The following P2RX4 variants were observed in gnomAD, a reference collection of about 807,000 sequenced individuals.
P2RX4 encodes P2X purinoceptor 4.
A neutral mutation model predicts 48.0 loss-of-function variants in P2RX4; 37 were observed. The ratio of observed to expected loss-of-function variants is 0.77; its 90% confidence interval spans 0.59 to 1.01. P2RX4 has a LOEUF of 1.01. Ranked by LOEUF, P2RX4 falls within the 50% of genes least tolerant of loss-of-function variation. P2RX4 has a pLI of 0.00. For synonymous variants in P2RX4, 200 were observed against 199.7 expected (o/e 1.00, Z -0.01); for missense variants, 501 against 521.4 (o/e 0.96, Z 0.38).
rs1886878273 is a variant in P2RX4, at chr12:121,224,832, T to A, written c.524+1789T>A. On this transcript the variant is annotated intron_variant, in intron 5 of 11. Transcript: ENST00000337233. ...GGGAGCAGGAAGCCACTGAACCTCA[T>A]CCTGGGTGTGTTGAGACAGAAGGAA... Among the ~76,000 whole-genome samples the A allele has an allele frequency of 2.0e-5, 3 of 150,912 alleles. No homozygotes were observed. The East Asian group carries it at 5.9e-4, about 30-fold the overall frequency.
chr12:121,217,080 A>G (rs1886274206), intron 1 of P2RX4, 54 bp from the exon 2 acceptor site: 6 of 1,578,482 alleles, frequency 3.8e-6, no homozygotes, highest in African/African-American at 1.3e-5. Context: ...TTCCCCATCA[A>G]TTCAAATCCA....
At chr12:121,223,286 C>CAGTGGGGGCGATCT in intron 5 of P2RX4, 3 of 430,620 alleles carry the variant, frequency 7.0e-6, no homozygotes, top group Middle Eastern at 6.7e-4. Flanking sequence ...ATGTTGGCCA[C>CAGTGGGGGCGATCT]GCTGGTCTCC....
intron 2 of P2RX4, among the ~76,000 whole-genome samples, chr12:121,217,520 G>A (rs942203268): frequency 6.6e-6 from 1 of 152,194 alleles, no homozygotes; most frequent in Non-Finnish European, 1.5e-5. Flanking sequence ...CCTGAAAGAT[G>A]AGAAAACAAA....
At chr12:121,216,177 G>A (rs1886215796) in intron 1 of P2RX4, 1 of 152,244 alleles carries the variant, frequency 6.6e-6, no homozygotes. Flanking sequence ...CTCATTCAAA[G>A]CCATCCTGGG....
chr12:121,225,375 G>A (rs990415068), intron 5 of P2RX4, among the ~76,000 whole-genome samples: 1 of 150,438 alleles, frequency 6.6e-6, no homozygotes, highest in Non-Finnish European at 1.5e-5. Flanking sequence ...CACCCAGCCC[G>A]ATTCTGTTTA....
chr12:121,213,032 G>A (rs1034643843), intron 1 of P2RX4: 1 of 151,358 alleles, frequency 6.6e-6, no homozygotes, highest in East Asian at 1.9e-4. Flanking sequence ...GCACTGTATG[G>A]TAGCCACTAG....
At chr12:121,230,388 G>C (rs1456656623) in intron 8 of P2RX4, among the ~76,000 whole-genome samples, 1 of 151,852 alleles carries the variant, frequency 6.6e-6, no homozygotes, top group South Asian at 2.1e-4. Context: ...GTCTCAGGGG[G>C]AAAAAAAAGA....
rs756891988 is a variant in P2RX4, at chr12:121,233,525, T to C, written c.1143T>C (p.Gly381=). The change falls in exon 12 of 12, where the codon GGT becomes GGC. Residue 381 remains glycine, a splice_region_variant and synonymous_variant. Coordinates refer to ENST00000337233, the MANE Select transcript of P2RX4 (RefSeq NM_002560.3). The stretch of plus-strand genomic sequence containing the variant: ...TCTGCTTGTGTCCTTCTTTGCAGGG[T>C]CTTGCTAGTGAGCTGGACCAGTGAG... ...KYKYVEDYEQ[G]LASELDQ is the part of the protein sequence containing the mutation. 47 of 1,608,146 alleles carry C rather than the reference T, an allele frequency of 2.9e-5. No individual in the cohort carries two copies. The highest frequency in any genetic ancestry group is 4.0e-5 in the Non-Finnish European group (47 of 1,177,162).
intron 1 of P2RX4, chr12:121,216,714 G>A (rs1886244862): frequency 2.2e-6 from 1 of 446,832 alleles, no homozygotes; most frequent in South Asian, 2.3e-5. Flanking sequence ...CAGCTACTTG[G>A]GAAGCTGAGG....
In P2RX4 at chr12:121,233,086, C is replaced by A; in HGVS notation, c.1134C>A (p.Tyr378Ter). The A allele has an allele frequency of 6.2e-7, 1 of 1,608,640 alleles. No individual in the cohort carries two copies. Among genetic ancestry groups the A allele is most frequent in the Non-Finnish European group, 8.5e-7 (1 of 1,175,288 alleles). ...AGAAATATAAATATGTGGAAGATTACGAGCAGGTAGGCCCCTCCTGGCCCC... is the reference window on the plus strand; with the variant it reads ...AGAAATATAAATATGTGGAAGATTAAGAGCAGGTAGGCCCCTCCTGGCCCC... ...REKKYKYVEDYEQGLASELDQ is the reference protein window; with the variant it reads ...REKKYKYVED The change falls in exon 11 of 12, where the codon TAC becomes TAA. Residue 378 changes from tyrosine to a stop codon, truncating the protein, a stop_gained. Coordinates refer to ENST00000337233, the MANE Select transcript of P2RX4 (RefSeq NM_002560.3). LOFTEE classifies it high-confidence loss of function.
rs957226894 is a variant in P2RX4 at position 121,222,766 on chromosome 12, A to G, written c.428-181A>G. 3.9e-6 allele frequency: 6 copies of G among 1,526,382 alleles called. No homozygotes were observed. In the African/African-American group the frequency reaches 8.3e-5, roughly 21 times the overall value. The allele number at this position is 1,526,382 out of a possible 1,614,324, so 94.6% of individuals were successfully genotyped here. On this transcript the variant is annotated intron_variant, in intron 4 of 11. Transcript: ENST00000337233. ...CCTGGCTGAGATGTGGCTGGCACACAGGTAACTGTCTTCCTCCGATTCTAA... is the reference window on the plus strand; with the variant it reads ...CCTGGCTGAGATGTGGCTGGCACACGGGTAACTGTCTTCCTCCGATTCTAA...
chr12:121,232,221 C>G lies in P2RX4; in HGVS notation c.885-193C>G, dbSNP rs904622406. 26 of 603,954 alleles carry G rather than the reference C, an allele frequency of 4.3e-5. No homozygotes were observed. Among genetic ancestry groups the G allele is most frequent in the African/African-American group, 3.7e-4 (20 of 53,920 alleles). The allele number at this position is 603,954 out of a possible 1,614,324, so 37.4% of individuals were successfully genotyped here. On this transcript the variant is annotated intron_variant, in intron 8 of 11. Transcript: ENST00000337233. This position sits in a 1 kb window ranked among gnomAD's most constrained non-coding sequence, Gnocchi z 4.3. ...TGGAGGAGGAGGTCTCCCTGTGCCC[C>G]TGTACCTCGTGGGCCCCGCATCCTC...
chr12:121,227,492 C>T (rs527523959), intron 5 of P2RX4, among the ~76,000 whole-genome samples: 7 of 152,350 alleles, frequency 4.6e-5, no homozygotes, highest in African/African-American at 1.7e-4. Flanking sequence ...TTTACTTTTG[C>T]TTTGACCTGT....
Position 121,223,045 on chromosome 12 carries a change from TG to T in P2RX4, c.524+3del, listed in dbSNP as rs762301184. The T allele has an allele frequency of 6.3e-7, 1 of 1,588,020 alleles. No homozygotes were observed. The highest frequency in any genetic ancestry group is 1.1e-5 in the South Asian group (1 of 90,500). On this transcript the variant is annotated splice_donor_region_variant and intron_variant, in intron 5 of 11. Transcript: ENST00000337233. ...GGAGGATGACACACACGTGCCACAG[TG>T]AGTCCAGCCCTAGGGAAGGAAGTGC...
intron 4 of P2RX4, chr12:121,222,444 G>A (rs1267406528): frequency 3.2e-5 from 15 of 475,542 alleles, no homozygotes; most frequent in Admixed American, 1.8e-4. Flanking sequence ...CCAGAGTCTC[G>A]CTCTGTCACC....
In P2RX4 at chr12:121,217,188, C is replaced by T. The variant is rs373857933; in HGVS notation, c.189C>T (p.Ser63=). The T allele has an allele frequency of 8.1e-6, 13 of 1,614,026 alleles. No individual in the cohort carries two copies. In the African/African-American group the frequency reaches 9.3e-5, roughly 12 times the overall value. The change falls in exon 2 of 12, where the codon TCC becomes TCT. Residue 63 remains serine (S), a synonymous_variant. Coordinates refer to ENST00000337233, the MANE Select transcript of P2RX4 (RefSeq NM_002560.3). ...AGGAAACTGACTCCGTGGTCAGCTCCGTTACGACCAAGGTCAAGGGCGTGG... is the reference window on the plus strand; with the variant it reads ...AGGAAACTGACTCCGTGGTCAGCTCTGTTACGACCAAGGTCAAGGGCGTGG... ...GYQETDSVVS[S]VTTKVKGVAV...
chr12:121,217,227 T>G lies in P2RX4; in HGVS notation c.228T>G (p.Thr76=). ...TKVKGVAVTN[T]SKLGFRIWDV... ...TCAAGGGCGTGGCTGTGACCAACAC[T>G]TCTAAACTTGGATTCCGGATCTGGG... Residue 76 remains threonine, a synonymous_variant, in exon 2 of 12, where the codon ACT becomes ACG. Transcript: ENST00000337233. 1 of 1,614,228 alleles carries G rather than the reference T, an allele frequency of 6.2e-7. No homozygotes were observed. The highest frequency in any genetic ancestry group is 8.5e-7 in the Non-Finnish European group (1 of 1,180,032).
chr12:121,231,966 C>T (rs112856277), intron 8 of P2RX4, among the ~76,000 whole-genome samples: 14,676 of 144,672 alleles, frequency 0.1, 1,013 homozygotes, highest in Non-Finnish European at 0.14. Flanking sequence ...GATTGGTGCC[C>T]CTACACTCCA....
intron 2 of P2RX4, among the ~76,000 whole-genome samples, chr12:121,219,532 C>G (rs1204231423): frequency 6.6e-6 from 1 of 151,672 alleles, no homozygotes; most frequent in Non-Finnish European, 1.5e-5. Flanking sequence ...GGATTCAAGA[C>G]CAGCCTGGGC....
Sources: allele counts gnomAD v4.1 joint callset (sites outside exome capture counted in the v4.1 genomes callset), GRCh38; gene constraint gnomAD v4.1.1; non-coding constraint Gnocchi (gnomAD v3.1); transcripts MANE v1.5; gene names NCBI Gene and HGNC (gene_info 2026-07-23, HGNC 2026-07-21).